GLI2: variants seen among roughly 807,000 people sequenced by gnomAD.
GLI2 encodes the protein transcription activator GLI2.
Under a neutral mutation model 78.9 loss-of-function variants are expected in GLI2, and 22 were observed. The observed-to-expected ratio is 0.28, with a 90% CI of 0.20 to 0.40. GLI2 has a LOEUF of 0.40. Ranked by LOEUF, GLI2 falls within the 10% of genes least tolerant of loss-of-function variation. The pLI is 1.00. For missense variants in GLI2, 2,097 were observed against 2,213.2 expected, an observed-to-expected ratio of 0.95 and a Z score of 1.05; for synonymous variants, 974 against 963.7, an observed-to-expected ratio of 1.01 and a Z score of -0.20.
Position 120,978,436 on chromosome 2 carries a change from C to G in GLI2, c.1320C>G (p.His440Gln). ...EYDTQEQLVH[H>Q]INNEHIHGEK... ...TTCTGGGCATGTCCCTCCGGCAGCA[C>G]ATCAACAACGAGCACATCCACGGGG... The change falls in exon 10 of 14, where the codon CAC (histidine) becomes CAG (glutamine). Residue 440 changes from histidine to glutamine, a missense_variant and splice_region_variant. His to Gln is a conservative substitution (Grantham distance 24). This residue lies in a region of GLI2 where 578 missense variants were observed against 612.0 expected (regional missense o/e 0.94). Transcript: ENST00000361492. The G allele has an allele frequency of 6.2e-7, 1 of 1,614,170 alleles. No homozygotes were observed. Among genetic ancestry groups the G allele is most frequent in the Non-Finnish European group, 8.5e-7 (1 of 1,180,026 alleles).
chr2:120,751,023 G>T (rs1682856403), intron 1 of GLI2, among the ~76,000 whole-genome samples: 1 of 152,222 alleles, frequency 6.6e-6, no homozygotes, highest in African/African-American at 2.4e-5. Flanking sequence ...CCCCAACTCT[G>T]CTCCAGCTGT....
At chr2:120,939,662 C>T (rs1680362011) in intron 3 of GLI2, among the ~76,000 whole-genome samples, 1 of 152,216 alleles carries the variant, frequency 6.6e-6, no homozygotes, top group South Asian at 2.1e-4. Flanking sequence ...TGCTCCGAAG[C>T]AGTCTATGTT....
intron 2 of GLI2, among the ~76,000 whole-genome samples, chr2:120,851,232 T>A (rs1486800587): frequency 6.6e-6 from 1 of 152,240 alleles, no homozygotes; most frequent in Non-Finnish European, 1.5e-5. Context: ...CAGGGCAGCA[T>A]GGAACAGGCC....
At chr2:120,896,665 ACCCACCCCC>A (rs1558865595) in intron 2 of GLI2, among the ~76,000 whole-genome samples, 5 of 17,586 alleles carry the variant, frequency 2.8e-4, no homozygotes, top group African/African-American at 6.3e-4. Flanking sequence ...ACACACATAC[ACCCACCCCC>A]CCACACACTC....
intron 2 of GLI2, among the ~76,000 whole-genome samples, chr2:120,888,950 G>T (rs1423670654): frequency 6.6e-6 from 1 of 152,166 alleles, no homozygotes; most frequent in African/African-American, 2.4e-5. Flanking sequence ...CCCAAGAGGG[G>T]ACCAAGTCTT....
In GLI2 at chr2:120,989,707, C is replaced by G; in HGVS notation, c.3742C>G (p.Gln1248Glu). 1.2e-6 allele frequency: 2 copies of G among 1,613,294 alleles called. No homozygotes were observed. The highest frequency in any genetic ancestry group is 1.7e-6 in the Non-Finnish European group (2 of 1,179,976). The change falls in exon 14 of 14, where the codon CAG becomes GAG. Residue 1248 changes from glutamine (Q) to glutamate (E), a missense_variant. Gln to Glu is a conservative substitution (Grantham distance 29). Around this residue, in one of 5 missense-constraint regions of GLI2, gnomAD observed 1,290 missense variants for 1,261.7 expected, o/e 1.02. Transcript: ENST00000361492. ...SPSTISGALN[Q>E]FPQSCSNMPA... ...CAGCACCATCAGTGGGGCCCTCAAC[C>G]AGTTCCCCCAATCCTGCAGCAACAT... is the stretch of plus-strand genomic sequence containing the variant.
At chr2:120,936,481 C>G (rs1013018421) in intron 3 of GLI2, among the ~76,000 whole-genome samples, 8 of 152,260 alleles carry the variant, frequency 5.3e-5, no homozygotes, top group African/African-American at 1.9e-4. Context: ...GAGAACTGGG[C>G]GTTCCCAGAA....
chr2:120,891,122 C>T (rs1677658894), intron 2 of GLI2, among the ~76,000 whole-genome samples: 1 of 152,162 alleles, frequency 6.6e-6, no homozygotes, highest in Admixed American at 6.5e-5. Context: ...GAGCTGATGG[C>T]TGGTGGGGAG....
At chr2:120,769,675 G>A (rs549730554) in intron 1 of GLI2, among the ~76,000 whole-genome samples, 238 of 152,324 alleles carry the variant, frequency 1.6e-3, no homozygotes, top group African/African-American at 5.6e-3. Flanking sequence ...GTGTGAGAGC[G>A]TGTGTGTGTT....
chr2:120,782,334 G>A (rs1056372814), intron 1 of GLI2, among the ~76,000 whole-genome samples: 6 of 152,168 alleles, frequency 3.9e-5, no homozygotes, highest in African/African-American at 1.4e-4. Flanking sequence ...GCTCTTCAGT[G>A]TGTTTTAAAA....
intron 2 of GLI2, among the ~76,000 whole-genome samples, chr2:120,881,372 G>T (rs902253984): frequency 7.4e-5 from 10 of 135,212 alleles, no homozygotes; most frequent in African/African-American, 1.9e-4. Context: ...CAGTGGCAGG[G>T]AGGACAGTGG....
chr2:120,814,686 C>T (rs1685411505), intron 2 of GLI2, among the ~76,000 whole-genome samples: 1 of 152,184 alleles, frequency 6.6e-6, no homozygotes, highest in African/African-American at 2.4e-5. Context: ...CTATTGTGAA[C>T]TGTGCATTTG....
intron 2 of GLI2, among the ~76,000 whole-genome samples, chr2:120,857,429 C>T: frequency 9.1e-6 from 1 of 110,030 alleles, no homozygotes; most frequent in Admixed American, 9.2e-5. Flanking sequence ...ACCCACCCAC[C>T]CACCTACCTA....
chr2:120,880,390 C>T (rs1206446556), intron 2 of GLI2, among the ~76,000 whole-genome samples: 1 of 152,182 alleles, frequency 6.6e-6, no homozygotes, highest in African/African-American at 2.4e-5. Context: ...ATTCATCCAT[C>T]TTCCCCACCG....
chr2:120,782,015 T>C (rs1327875276), intron 1 of GLI2, among the ~76,000 whole-genome samples: 10 of 152,264 alleles, frequency 6.6e-5, no homozygotes, highest in Non-Finnish European at 1.5e-5. Flanking sequence ...ATAGTGTGTA[T>C]GCAATTTTGT....
intron 2 of GLI2, among the ~76,000 whole-genome samples, chr2:120,862,103 T>A (rs1243623669): frequency 2.0e-5 from 3 of 152,166 alleles, no homozygotes; most frequent in African/African-American, 7.2e-5. Flanking sequence ...AGAAAAGCTT[T>A]CCCGCTTTGG....
intron 1 of GLI2, among the ~76,000 whole-genome samples, chr2:120,739,985 C>T (rs949886647): frequency 2.6e-5 from 4 of 152,092 alleles, no homozygotes; most frequent in Admixed American, 2.6e-4. Flanking sequence ...TGAGAGTGTC[C>T]TTTGAAAAAG....
chr2:120,742,213 A>T (rs1682570988), intron 1 of GLI2, among the ~76,000 whole-genome samples: 1 of 152,230 alleles, frequency 6.6e-6, no homozygotes, highest in South Asian at 2.1e-4. Context: ...TCCCGGCGAC[A>T]GGAAAGGAAG....
At chr2:120,860,731 G>C (rs906353752) in intron 2 of GLI2, among the ~76,000 whole-genome samples, 4 of 152,210 alleles carry the variant, frequency 2.6e-5, no homozygotes, top group African/African-American at 9.7e-5. Flanking sequence ...TATGGATCCT[G>C]GGCCTGGCCC....
Sources: allele counts gnomAD v4.1 joint callset (sites outside exome capture counted in the v4.1 genomes callset), GRCh38; gene constraint gnomAD v4.1.1; regional missense constraint gnomAD v4.1.1; transcripts MANE v1.5; gene names NCBI Gene and HGNC (gene_info 2026-07-23, HGNC 2026-07-21).